PCDH15: variants seen among roughly 807,000 people sequenced by gnomAD.
The protein encoded by PCDH15 is protocadherin related 15.
In PCDH15, 129 loss-of-function variants were observed where a neutral mutation model predicts 178.5. The observed-to-expected ratio is 0.72, with a 90% CI of 0.63 to 0.84. The LOEUF is 0.84. Ranked by LOEUF, PCDH15 falls within the 40% of genes least tolerant of loss-of-function variation. The pLI is 0.00. For synonymous variants in PCDH15, 800 were observed against 732.0 expected, an observed-to-expected ratio of 1.09 and a Z score of -1.50; for missense variants, 2,230 against 2,099.9, an observed-to-expected ratio of 1.06 and a Z score of -1.21.
intron 17 of PCDH15, among the ~76,000 whole-genome samples, chr10:54,077,815 C>T (rs1357410663): frequency 2.6e-5 from 4 of 152,192 alleles, no homozygotes; most frequent in Non-Finnish European, 5.9e-5. Context: ...GTAACCCCAG[C>T]ACTTTGGGAG....
At chr10:55,446,350 AG>A (rs1224796724) in intron 2 of PCDH15, among the ~76,000 whole-genome samples, 1 of 151,928 alleles carries the variant, frequency 6.6e-6, no homozygotes, top group Non-Finnish European at 1.5e-5. Flanking sequence ...AGAAACAAAA[AG>A]TTTATTTAAT....
At chr10:55,118,113 C>A (rs1174771366) in intron 2 of PCDH15, among the ~76,000 whole-genome samples, 2 of 152,012 alleles carry the variant, frequency 1.3e-5, no homozygotes, top group Admixed American at 1.3e-4. Context: ...GATCTGACAC[C>A]CCAGCTGCCA....
intron 19 of PCDH15, among the ~76,000 whole-genome samples, chr10:54,022,439 A>T (rs561372976): frequency 6.7e-6 from 1 of 148,302 alleles, no homozygotes; most frequent in South Asian, 2.1e-4. Context: ...CATTTATGTT[A>T]TATATGTATA....
chr10:54,200,698 C>T (rs1357454166), intron 10 of PCDH15, among the ~76,000 whole-genome samples: 1 of 152,108 alleles, frequency 6.6e-6, no homozygotes, highest in African/African-American at 2.4e-5. Context: ...TATTCACTAT[C>T]CTTTCACGGC....
chr10:54,299,113 T>G (rs1388492635), intron 8 of PCDH15, among the ~76,000 whole-genome samples: 5 of 151,870 alleles, frequency 3.3e-5, no homozygotes, highest in Admixed American at 3.3e-4. Flanking sequence ...CATAAGCTGC[T>G]GACAGAGGCA....
At chr10:54,984,547 G>T (rs1218715447) in intron 2 of PCDH15, among the ~76,000 whole-genome samples, 4 of 152,148 alleles carry the variant, frequency 2.6e-5, no homozygotes, top group Non-Finnish European at 1.5e-5. Context: ...CATAAAAGTA[G>T]ACAGCTTTTG....
At chr10:53,948,338 C>T (rs970925256) in intron 23 of PCDH15, among the ~76,000 whole-genome samples, 1 of 151,792 alleles carries the variant, frequency 6.6e-6, no homozygotes, top group East Asian at 1.9e-4. Context: ...TTAGTGAGAC[C>T]GAGTGTACAG....
chr10:54,604,372 T>C (rs1336012291), intron 2 of PCDH15, among the ~76,000 whole-genome samples: 2 of 151,976 alleles, frequency 1.3e-5, no homozygotes, highest in Non-Finnish European at 2.9e-5. Flanking sequence ...AAAAGTGGAA[T>C]ATTAAAATCT....
At chr10:54,020,910 T>C (rs911932433) in intron 19 of PCDH15, among the ~76,000 whole-genome samples, 2 of 151,998 alleles carry the variant, frequency 1.3e-5, no homozygotes, top group African/African-American at 4.8e-5. Context: ...TGAGAAAATA[T>C]AAGTAGTAAT....
rs2610920 is a variant in PCDH15 at position 53,905,372 on chromosome 10, C to T, written c.3374-2002G>A. On this transcript the variant is annotated intron_variant, in intron 25 of 37. Transcript: ENST00000644397. ...TTTTTGAGATGGAGTCTCCCTCTGT[C>T]GCCCAGGCTGGAGTGCAGTGGCACG... 3.4e-3 allele frequency: 1,410 copies of T among 420,586 alleles called. 12 individuals carry two copies. Among genetic ancestry groups the T allele is most frequent in the African/African-American group, 0.026 (1,274 of 49,032 alleles). The allele number at this position is 420,586 out of a possible 1,614,324, so 26.1% of individuals were successfully genotyped here.
At chr10:55,395,676 A>AT (rs1837910632) in intron 2 of PCDH15, among the ~76,000 whole-genome samples, 1 of 152,042 alleles carries the variant, frequency 6.6e-6, no homozygotes, top group Non-Finnish European at 1.5e-5. Flanking sequence ...AAGTTTGGAA[A>AT]TTTTTTAGTT....
At chr10:54,899,150 C>T (rs1037142968) in intron 2 of PCDH15, among the ~76,000 whole-genome samples, 3 of 152,036 alleles carry the variant, frequency 2.0e-5, no homozygotes, top group South Asian at 2.1e-4. Context: ...ACTTGCTGGA[C>T]GTAGAGTATT....
intron 20 of PCDH15, among the ~76,000 whole-genome samples, chr10:54,002,333 T>C (rs1024340039): frequency 2.1e-4 from 32 of 152,064 alleles, no homozygotes; most frequent in Non-Finnish European, 5.9e-5. Context: ...ATCTCCACTG[T>C]AGAACAAATG....
At chr10:55,622,073 A>AAT (rs1564488374) in intron 2 of PCDH15, among the ~76,000 whole-genome samples, 1 of 139,754 alleles carries the variant, frequency 7.2e-6, no homozygotes, top group Non-Finnish European at 1.5e-5. Flanking sequence ...ATGTATATAT[A>AAT]ATATATATAA....
At chr10:54,752,944 G>C (rs2133015228) in intron 1 of PCDH15, among the ~76,000 whole-genome samples, 1 of 152,216 alleles carries the variant, frequency 6.6e-6, no homozygotes. Flanking sequence ...AGACACAAAA[G>C]AAGAATCTTT....
intron 20 of PCDH15, among the ~76,000 whole-genome samples, chr10:53,997,430 C>A (rs2091907599): frequency 6.6e-6 from 1 of 152,080 alleles, no homozygotes; most frequent in Non-Finnish European, 1.5e-5. Context: ...TCCTTTAGCA[C>A]CCCTAAATTG....
intron 2 of PCDH15, among the ~76,000 whole-genome samples, chr10:55,015,729 T>G (rs1840157966): frequency 6.6e-6 from 1 of 152,168 alleles, no homozygotes; most frequent in Non-Finnish European, 1.5e-5. Context: ...CTGCAGCTAG[T>G]ATCAGTGGGC....
At chr10:55,382,735 G>C (rs1447941626) in intron 2 of PCDH15, among the ~76,000 whole-genome samples, 1 of 152,124 alleles carries the variant, frequency 6.6e-6, no homozygotes, top group Non-Finnish European at 1.5e-5. Flanking sequence ...ACTCATCTTG[G>C]CCTTGATGAT....
intron 2 of PCDH15, among the ~76,000 whole-genome samples, chr10:55,622,307 C>T (rs1371283526): frequency 1.3e-5 from 2 of 150,978 alleles, no homozygotes; most frequent in African/African-American, 4.9e-5. Context: ...CTGCGCCTGG[C>T]CCACAGTTAA....
Sources: allele counts gnomAD v4.1 joint callset (sites outside exome capture counted in the v4.1 genomes callset), GRCh38; gene constraint gnomAD v4.1.1; transcripts MANE v1.5; gene names NCBI Gene and HGNC (gene_info 2026-07-23, HGNC 2026-07-21).